Variants in DIP2C observed in about 807,000 individuals in gnomAD.
The protein encoded by DIP2C is disco-interacting protein 2 homolog C.
A neutral mutation model predicts 192.4 loss-of-function variants in DIP2C; 33 were observed. The ratio of observed to expected loss-of-function variants is 0.17; its 90% CI spans 0.13 to 0.23. The LOEUF (loss-of-function observed/expected upper bound fraction) is 0.23, where lower values mean the gene tolerates loss of function less well. Among genes scored for constraint, DIP2C ranks in the 10% least tolerant of loss-of-function variants. The pLI is 1.00. For missense variants in DIP2C, 1,537 were observed against 2,110.1 expected (o/e 0.73, Z 5.32); for synonymous variants, 979 against 864.1 (o/e 1.13, Z -2.33).
In DIP2C at chr10:689,440, G is replaced by A. The variant is rs1831464119; in HGVS notation, c.85+54C>T. On this transcript the variant is annotated intron_variant, in intron 1 of 36. Transcript: ENST00000280886. The surrounding 1 kb of genome is among the most constrained non-coding windows in gnomAD (Gnocchi z 6.1). Reference sequence around the variant, plus strand: ...AGGCCCCGCGCCCCCAGCCCTCCGCGCGCGGCCCTCCCCGGTGACAGCGCG... The same window carrying A: ...AGGCCCCGCGCCCCCAGCCCTCCGCACGCGGCCCTCCCCGGTGACAGCGCG... The A allele has an allele frequency of 2.0e-6, 2 of 1,019,484 alleles. No homozygotes were observed. The highest frequency in any genetic ancestry group is 1.8e-4 in the East Asian group (2 of 11,102). The allele number at this position is 1,019,484 out of a possible 1,614,324, so 63.2% of individuals were successfully genotyped here.
intron 1 of DIP2C, among the ~76,000 whole-genome samples, chr10:660,769 G>T (rs367592165): frequency 2.0e-4 from 31 of 152,298 alleles, no homozygotes; most frequent in African/African-American, 7.2e-4. Context: ...CAAGAGTCAG[G>T]TGTTCCACAA....
chr10:621,162 G>C (rs549566307), intron 1 of DIP2C, among the ~76,000 whole-genome samples: 1 of 152,240 alleles, frequency 6.6e-6, no homozygotes, highest in South Asian at 2.1e-4. Flanking sequence ...GCCGCCCGAC[G>C]CAACGGGCCA....
chr10:562,114 CT>C (rs1564202092), intron 1 of DIP2C, among the ~76,000 whole-genome samples: 1 of 152,200 alleles, frequency 6.6e-6, no homozygotes, highest in Non-Finnish European at 1.5e-5. Context: ...ACTCCAAAGG[CT>C]TTTTGTTTTG....
In DIP2C at chr10:364,996, TG is replaced by T. The variant is rs751135582; in HGVS notation, c.2269-415del. 9.4e-6 allele frequency: 5 copies of T among 534,262 alleles called. No homozygotes were observed. In the East Asian group the frequency reaches 2.7e-4, roughly 29 times the overall value. The allele number at this position is 534,262 out of a possible 1,614,324, so 33.1% of individuals were successfully genotyped here. A position where few individuals can be genotyped will look rare whatever the true frequency, so the allele number is the denominator to read the frequency against. On this transcript the variant is annotated intron_variant, in intron 19 of 36. Transcript: ENST00000280886. ...AAGTAATCTCTCTTCATTCATAAAA[TG>T]TTATTTGCCCTTGTTGGAAGTATGC... is the stretch of plus-strand genomic sequence containing the variant.
intron 1 of DIP2C, among the ~76,000 whole-genome samples, chr10:658,521 T>C (rs991383450): frequency 1.3e-5 from 2 of 152,242 alleles, no homozygotes; most frequent in African/African-American, 2.4e-5. Flanking sequence ...GAGGCAGAGC[T>C]GCTGGCATCA....
chr10:313,491 A>G (rs917861963), intron 31 of DIP2C, among the ~76,000 whole-genome samples: 10 of 152,270 alleles, frequency 6.6e-5, no homozygotes, highest in African/African-American at 2.4e-4. Flanking sequence ...CTGCACCTGA[A>G]CAGGCACAGA....
Position 369,752 on chromosome 10 carries a change from G to A in DIP2C, c.1992-119C>T, listed in dbSNP as rs774877518. 2.0e-6 allele frequency: 3 copies of A among 1,537,244 alleles called. No homozygotes were observed. The Admixed American group carries it at 5.1e-5, about 26-fold the overall frequency. On this transcript the variant is annotated intron_variant, in intron 17 of 36. Coordinates refer to ENST00000280886, the MANE Select transcript of DIP2C (RefSeq NM_014974.3). ...CTCTGGGCACAGTGCTGGCACCCCA[G>A]GCACAGTGCTGGCTGCCCATGTGGC... is the stretch of plus-strand genomic sequence containing the variant.
intron 1 of DIP2C, among the ~76,000 whole-genome samples, chr10:604,398 C>T (rs1221820589): frequency 6.6e-6 from 1 of 152,156 alleles, no homozygotes; most frequent in Non-Finnish European, 1.5e-5. Context: ...GACGAGTGGA[C>T]CCTAGATGGA....
chr10:378,701 G>T (rs1961969678), intron 17 of DIP2C, among the ~76,000 whole-genome samples: 1 of 149,188 alleles, frequency 6.7e-6, no homozygotes, highest in Non-Finnish European at 1.5e-5. Context: ...ATACACACAT[G>T]AACAGATATG....
chr10:383,854 T>G (rs1962609168), intron 16 of DIP2C, among the ~76,000 whole-genome samples, 173 bp downstream of exon 16: 2 of 151,954 alleles, frequency 1.3e-5, no homozygotes, highest in Admixed American at 1.3e-4. Flanking sequence ...GTTTGGTGAT[T>G]TTAAGACAAT....
chr10:364,802 C>T (rs928172478), intron 19 of DIP2C, among the ~76,000 whole-genome samples: 6 of 152,206 alleles, frequency 3.9e-5, no homozygotes, highest in African/African-American at 1.2e-4. Context: ...TCCGTTCCTG[C>T]ACCTCCACTC....
intron 3 of DIP2C, among the ~76,000 whole-genome samples, chr10:463,194 G>A (rs1320184516): frequency 6.6e-6 from 1 of 152,194 alleles, no homozygotes; most frequent in Non-Finnish European, 1.5e-5. Flanking sequence ...CAAATAGGAA[G>A]AGAGAAAGTC....
At chr10:312,032 G>T (rs576436161) in intron 31 of DIP2C, among the ~76,000 whole-genome samples, 32 of 152,300 alleles carry the variant, frequency 2.1e-4, no homozygotes, top group African/African-American at 7.2e-4. Context: ...CCTGCAAGTA[G>T]GGCACTAGCT....
chr10:577,312 T>C (rs1320948943), intron 1 of DIP2C, among the ~76,000 whole-genome samples: 1 of 152,140 alleles, frequency 6.6e-6, no homozygotes, highest in Non-Finnish European at 1.5e-5. Flanking sequence ...AGCAAAAATT[T>C]AGAGGAAGAA....
chr10:585,195 T>C (rs1367054640), intron 1 of DIP2C, among the ~76,000 whole-genome samples: 1 of 152,346 alleles, frequency 6.6e-6, no homozygotes, highest in South Asian at 2.1e-4. Context: ...ACACCGACGT[T>C]TGTGTAGACA....
At chr10:464,724 C>T (rs966482422) in intron 3 of DIP2C, among the ~76,000 whole-genome samples, 4 of 152,174 alleles carry the variant, frequency 2.6e-5, no homozygotes, top group African/African-American at 9.7e-5. Flanking sequence ...AACTCGGATC[C>T]AACCCAAATG....
chr10:639,313 G>A (rs1322001209), intron 1 of DIP2C, among the ~76,000 whole-genome samples: 2 of 143,304 alleles, frequency 1.4e-5, no homozygotes, highest in South Asian at 2.2e-4. Flanking sequence ...GGTGCTGCCC[G>A]GCTCACGGTC....
At chr10:430,961 C>T (rs7922280) in intron 4 of DIP2C, among the ~76,000 whole-genome samples, 22,951 of 152,222 alleles carry the variant, frequency 0.15, 4,276 homozygotes, top group African/African-American at 0.44. Context: ...CCAGTACCAT[C>T]TGTTAAAAAT....
chr10:559,241 C>T (rs969481943), intron 1 of DIP2C, among the ~76,000 whole-genome samples: 6 of 152,080 alleles, frequency 3.9e-5, no homozygotes, highest in East Asian at 1.9e-4. Context: ...CTTGGGCCCT[C>T]GATCCGGGAC....
Sources: gnomAD v4.1 joint callset for allele counts (sites outside exome capture counted in the v4.1 genomes callset) on GRCh38, gnomAD v4.1.1 for gene constraint, Gnocchi (gnomAD v3.1) non-coding constraint, MANE v1.5 for transcripts, NCBI Gene and HGNC (gene_info 2026-07-23, HGNC 2026-07-21) for gene names.